Variants in MAPK4 observed in about 807,000 individuals in gnomAD.
The protein encoded by MAPK4 is Erk3-related.
Under a neutral mutation model 47.7 loss-of-function variants are expected in MAPK4, and 22 were observed. The observed-to-expected ratio is 0.46, with a 90% CI of 0.33 to 0.66. The LOEUF is 0.66. MAPK4 is among the 30% of genes least tolerant of loss of function. MAPK4 has a pLI of 0.02. For missense variants in MAPK4, 736 were observed against 831.7 expected (o/e 0.88, Z 1.42); for synonymous variants, 390 against 365.7 (o/e 1.07, Z -0.76).
intron 1 of MAPK4, among the ~76,000 whole-genome samples, chr18:50,634,881 A>C (rs933634172): frequency 6.6e-6 from 1 of 152,292 alleles, no homozygotes; most frequent in East Asian, 1.9e-4. Flanking sequence ...ACCAGGTCTT[A>C]CACACTCCAG....
intron 2 of MAPK4, among the ~76,000 whole-genome samples, chr18:50,695,460 T>C (rs1909464477): frequency 6.6e-6 from 1 of 151,852 alleles, no homozygotes; most frequent in Non-Finnish European, 1.5e-5. Context: ...CACTTTCCTT[T>C]CCATTCCTAC....
At chr18:50,703,923 C>G (rs1270731972) in intron 2 of MAPK4, among the ~76,000 whole-genome samples, 2 of 152,204 alleles carry the variant, frequency 1.3e-5, no homozygotes, top group Admixed American at 1.3e-4. Flanking sequence ...AGGTGAGACT[C>G]CTGCACCCAG....
chr18:50,620,517 A>G (rs2042722444), intron 1 of MAPK4, among the ~76,000 whole-genome samples: 1 of 152,268 alleles, frequency 6.6e-6, no homozygotes, highest in Admixed American at 6.5e-5. Context: ...CTGGCCCATC[A>G]ACATTTACTT....
At chr18:50,667,618 C>T (rs774199429) in intron 2 of MAPK4, among the ~76,000 whole-genome samples, 26 of 152,158 alleles carry the variant, frequency 1.7e-4, no homozygotes, top group Admixed American at 1.2e-3. Context: ...TGGGCTGCAG[C>T]GAGTGCCTTT....
chr18:50,666,011 T>TA (rs1423604861), intron 2 of MAPK4, among the ~76,000 whole-genome samples: 2 of 152,124 alleles, frequency 1.3e-5, no homozygotes, highest in East Asian at 1.9e-4. Flanking sequence ...TCTTACTTGG[T>TA]AAAAAACCTA....
chr18:50,649,574 C>T (rs3915397), intron 1 of MAPK4, among the ~76,000 whole-genome samples: 5,078 of 152,268 alleles, frequency 0.033, 262 homozygotes, highest in African/African-American at 0.11. Flanking sequence ...TTTACCTCTT[C>T]GTGTGTGTTC....
At chr18:50,640,382 CAA>C (rs34039185) in intron 1 of MAPK4, among the ~76,000 whole-genome samples, 23,966 of 128,800 alleles carry the variant, frequency 0.19, 1,806 homozygotes, top group Non-Finnish European at 0.2. Flanking sequence ...TTCTTGTTTA[CAA>C]AAAAAAAAAA....
At chr18:50,724,487 A>C (rs376975325) in intron 4 of MAPK4, among the ~76,000 whole-genome samples, 1 of 152,240 alleles carries the variant, frequency 6.6e-6, no homozygotes, top group African/African-American at 2.4e-5. Flanking sequence ...AAACCTGCCC[A>C]GACTTGAAGC....
At chr18:50,580,516 G>A (rs2042334251) in intron 1 of MAPK4, among the ~76,000 whole-genome samples, 4 of 152,194 alleles carry the variant, frequency 2.6e-5, no homozygotes, top group Admixed American at 2.0e-4. Context: ...TTACTAGGTG[G>A]TTGCTAAAAA....
chr18:50,566,607 A>G (rs184093575), intron 1 of MAPK4, among the ~76,000 whole-genome samples: 4 of 152,320 alleles, frequency 2.6e-5, no homozygotes, highest in Non-Finnish European at 5.9e-5. Flanking sequence ...TCAAAGAACT[A>G]CTCATTAATT....
intron 1 of MAPK4, among the ~76,000 whole-genome samples, chr18:50,567,521 G>A (rs929845778): frequency 5.9e-5 from 9 of 152,178 alleles, no homozygotes; most frequent in African/African-American, 2.2e-4. Context: ...GGATGTGTAT[G>A]CATTGTGTTC....
intron 1 of MAPK4, among the ~76,000 whole-genome samples, chr18:50,592,069 GAGCCA>G (rs1275138151): frequency 6.6e-6 from 1 of 152,172 alleles, no homozygotes; most frequent in African/African-American, 2.4e-5. Flanking sequence ...TTTTTGAATG[GAGCCA>G]AGCTGGCAGA....
chr18:50,634,634 G>A (rs1005679861), intron 1 of MAPK4, among the ~76,000 whole-genome samples: 1 of 152,130 alleles, frequency 6.6e-6, no homozygotes, highest in African/African-American at 2.4e-5. Context: ...AGGTGTTTTT[G>A]TAGATCATGG....
chr18:50,707,751 C>T (rs756503062), intron 2 of MAPK4, among the ~76,000 whole-genome samples: 1 of 151,856 alleles, frequency 6.6e-6, no homozygotes, highest in Non-Finnish European at 1.5e-5. Flanking sequence ...TTTTTAAAGT[C>T]AAAGAAAGTG....
At chr18:50,648,278 C>T (rs1598864407) in intron 1 of MAPK4, among the ~76,000 whole-genome samples, 2 of 152,054 alleles carry the variant, frequency 1.3e-5, no homozygotes, top group East Asian at 1.9e-4. Flanking sequence ...GCAGGTGGAC[C>T]TGCGTGTGTG....
intron 1 of MAPK4, among the ~76,000 whole-genome samples, chr18:50,575,324 A>G (rs909223553): frequency 1.3e-5 from 2 of 152,144 alleles, no homozygotes; most frequent in Non-Finnish European, 2.9e-5. Context: ...TGAGAAATAA[A>G]TTTCTGTTCT....
intron 2 of MAPK4, among the ~76,000 whole-genome samples, chr18:50,677,197 G>A (rs908310369): frequency 2.6e-5 from 4 of 152,176 alleles, no homozygotes; most frequent in Admixed American, 6.5e-5. Flanking sequence ...TTCCCGGTCC[G>A]TGGAAAAATT....
Position 50,715,197 on chromosome 18 carries a change from T to C in MAPK4, c.665T>C (p.Met222Thr). ...GCCGCCGGCTGCATCCTGGCTGAGATGCTTACGGGGAGAATGCTCTTTGCT... is the reference window on the plus strand; with the variant it reads ...GCCGCCGGCTGCATCCTGGCTGAGACGCTTACGGGGAGAATGCTCTTTGCT... ...MWAAGCILAE[M>T]LTGRMLFAGA... The change falls in exon 3 of 6, where the codon ATG becomes ACG. Residue 222 changes from methionine to threonine, a missense_variant. By Grantham distance (81) the Met-to-Thr change is moderately conservative. Transcript: ENST00000400384. The C allele has an allele frequency of 6.2e-7, 1 of 1,614,114 alleles. No homozygotes were observed. The highest frequency in any genetic ancestry group is 8.5e-7 in the Non-Finnish European group (1 of 1,180,008).
In MAPK4 at chr18:50,609,194, C is replaced by T. The variant is rs529642777; in HGVS notation, c.-871+48951C>T. 3.2e-3 allele frequency among the ~76,000 whole-genome samples: 483 copies of T among 151,876 alleles called. 1 individual carries two copies. The highest frequency in any genetic ancestry group is 0.024 in the Middle Eastern group (7 of 294). ...TTCCCCCTTTTCTATTCGACAAAACCGCCATCGTCATCATGGCCCGTTCTC... is the reference window on the plus strand; with the variant it reads ...TTCCCCCTTTTCTATTCGACAAAACTGCCATCGTCATCATGGCCCGTTCTC... On this transcript the variant is annotated intron_variant, in intron 1 of 5. Transcript: ENST00000400384.
Sources: allele counts gnomAD v4.1 joint callset (sites outside exome capture counted in the v4.1 genomes callset), GRCh38; gene constraint gnomAD v4.1.1; transcripts MANE v1.5; gene names NCBI Gene and HGNC (gene_info 2026-07-23, HGNC 2026-07-21).